Variants in NPLOC4 observed in about 807,000 individuals in gnomAD.
NPLOC4 encodes nuclear protein localization protein 4 homolog.
In NPLOC4, 18 loss-of-function variants were observed where a neutral mutation model predicts 80.6. That is an observed-to-expected ratio of 0.22 (90% CI 0.15 to 0.33). NPLOC4 has a LOEUF of 0.33. Ranked by LOEUF, NPLOC4 falls within the 10% of genes least tolerant of loss-of-function variation. The pLI, the probability that NPLOC4 is intolerant of heterozygous loss-of-function variation, is 1.00. For synonymous variants in NPLOC4, 313 were observed against 301.5 expected (o/e 1.04, Z -0.39); for missense variants, 540 against 786.1 (o/e 0.69, Z 3.74).
Position 81,588,974 on chromosome 17 carries a change from A to G in NPLOC4, c.1251T>C (p.Ser417=). The part of the protein sequence containing the change: ...PELGYAKESS[S]EQYVPDVFYK... ...AAAACACATCAGGCACGTACTGCTC[A>G]CTGCTAGACTCCTTGGCGTAGCCAA... is the stretch of plus-strand genomic sequence containing the variant. The change falls in exon 12 of 17, where the codon AGT becomes AGC. Residue 417 remains serine, a synonymous_variant. Transcript: ENST00000331134. The G allele has an allele frequency of 6.2e-7, 1 of 1,613,884 alleles. No individual in the cohort carries two copies. The highest frequency in any genetic ancestry group is 1.7e-5 in the Admixed American group (1 of 59,996).
intron 11 of NPLOC4, 53 bp downstream of exon 11, chr17:81,596,062 CA>C: frequency 6.4e-7 from 1 of 1,556,202 alleles, no homozygotes; most frequent in Admixed American, 1.8e-5. Context: ...AAAAGAGGAA[CA>C]AAATATATTA....
chr17:81,591,459 A>AC (rs1362443392), intron 11 of NPLOC4, among the ~76,000 whole-genome samples: 5 of 150,406 alleles, frequency 3.3e-5, no homozygotes, highest in Admixed American at 2.6e-4. Context: ...AAAAAAAAAA[A>AC]AAAAAAAAAA....
chr17:81,632,898 T>C lies in NPLOC4; in HGVS notation c.16-3093A>G, dbSNP rs377147194. Among the ~76,000 whole-genome samples the C allele has an allele frequency of 2.0e-5, 3 of 152,084 alleles. No individual in the cohort carries two copies. In the East Asian group the frequency reaches 5.8e-4, roughly 29 times the overall value. On this transcript the variant is annotated intron_variant, in intron 1 of 16. Coordinates refer to ENST00000331134, the MANE Select transcript of NPLOC4 (RefSeq NM_017921.4). ...ACTTGGCAGAAAAGGCTCCACCCAA[T>C]ATGTTCTCAACTTTTAAGTCAGGAG...
In NPLOC4 at chr17:81,565,603, C is replaced by T; in HGVS notation, c.1571G>A (p.Ser524Asn). ...CACGGCCTCCAGCAGCAAGCTGATG[C>T]TGTCCTACAAGAAGCCAAAAGGAAG... ...VTNEVMPLQD[S>N]ISLLLEAVRT... The change falls in exon 16 of 17, where the codon AGC becomes AAC. Residue 524 changes from serine to asparagine, a missense_variant. By Grantham distance (46) the Ser-to-Asn change is conservative. Around this residue, in one of 6 missense-constraint regions of NPLOC4, gnomAD observed 251 missense variants for 377.5 expected, o/e 0.66. Coordinates refer to ENST00000331134, the MANE Select transcript of NPLOC4 (RefSeq NM_017921.4). The T allele has an allele frequency of 6.5e-7, 1 of 1,547,878 alleles. No individual in the cohort carries two copies.
intron 9 of NPLOC4, among the ~76,000 whole-genome samples, chr17:81,599,160 G>C (rs559872781): frequency 4.6e-4 from 70 of 151,938 alleles, no homozygotes; most frequent in African/African-American, 1.5e-3. Context: ...GTTGTGGCGG[G>C]TGCCTGTAAT....
chr17:81,562,251 C>T (rs1417225394), intron 16 of NPLOC4: 1 of 151,752 alleles, frequency 6.6e-6, no homozygotes, highest in Non-Finnish European at 1.5e-5. Context: ...CAAAACAACC[C>T]ATGAGGGCCG....
chr17:81,616,585 C>G (rs901216035), intron 3 of NPLOC4, among the ~76,000 whole-genome samples: 7 of 151,776 alleles, frequency 4.6e-5, no homozygotes, highest in African/African-American at 1.7e-4. Context: ...AAAAAATTAG[C>G]CGGGCATGGT....
chr17:81,566,094 G>A (rs1303509476), intron 15 of NPLOC4, among the ~76,000 whole-genome samples: 2 of 152,214 alleles, frequency 1.3e-5, no homozygotes, highest in African/African-American at 4.8e-5. Flanking sequence ...AACACTTTCA[G>A]AGGCAGAGGC....
At chr17:81,605,455 T>G (rs2035179029) in intron 7 of NPLOC4, among the ~76,000 whole-genome samples, 1 of 151,606 alleles carries the variant, frequency 6.6e-6, no homozygotes, top group Non-Finnish European at 1.5e-5. Flanking sequence ...ACCTCAAAAA[T>G]TATTCAATAC....
chr17:81,623,137 G>A (rs1471901970), intron 2 of NPLOC4, among the ~76,000 whole-genome samples: 1 of 151,452 alleles, frequency 6.6e-6, no homozygotes, highest in Non-Finnish European at 1.5e-5. Flanking sequence ...GAGGTTGCAG[G>A]GAGCCGAGAT....
rs762577157 is a variant in NPLOC4 at position 81,564,105 on chromosome 17, C to CACACACACACACACACAG, written c.1669+1399_1669+1400insCTGTGTGTGTGTGTGTGT. The CACACACACACACACACAG allele has an allele frequency of 2.3e-3, 756 of 334,366 alleles. 4 individuals are homozygous for CACACACACACACACACAG. The highest frequency in any genetic ancestry group is 0.011 in the Admixed American group (260 of 23,144). The allele number at this position is 334,366 out of a possible 1,614,324, so 20.7% of individuals were successfully genotyped here. ...CAAAACACACACACACACACACACACACACACACACACAAAGAGCAGGGCG... is the reference window on the plus strand; with the variant it reads ...CAAAACACACACACACACACACACACACACACACACACACACAGACACACACACACAAAGAGCAGGGCG... On this transcript the variant is annotated intron_variant, in intron 16 of 16. Coordinates refer to ENST00000331134, the MANE Select transcript of NPLOC4 (RefSeq NM_017921.4).
Position 81,567,372 on chromosome 17 carries a change from G to C in NPLOC4, c.1566+45C>G. 1 of 1,225,632 alleles carries C rather than the reference G, an allele frequency of 8.2e-7. No homozygotes were observed. Among genetic ancestry groups the C allele is most frequent in the African/African-American group, 1.5e-5 (1 of 67,296 alleles). The allele number at this position is 1,225,632 out of a possible 1,614,324, so 75.9% of individuals were successfully genotyped here. ...AGCAAGACACAGGCGTCTCTTTGCA[G>C]CCAAAGCCCACTTGCTCAAGTGGAC... On this transcript the variant is annotated intron_variant, in intron 15 of 16. Coordinates refer to ENST00000331134, the MANE Select transcript of NPLOC4 (RefSeq NM_017921.4). The surrounding 1 kb of genome is among the most constrained non-coding windows in gnomAD (Gnocchi z 4.5).
intron 1 of NPLOC4, among the ~76,000 whole-genome samples, chr17:81,630,313 A>C (rs1024070024): frequency 2.0e-5 from 3 of 152,064 alleles, no homozygotes; most frequent in Non-Finnish European, 2.9e-5. Context: ...TTTTTGAGAC[A>C]GGGTCTTGCT....
intron 1 of NPLOC4, among the ~76,000 whole-genome samples, chr17:81,634,688 C>A (rs905827555): frequency 6.6e-6 from 1 of 151,522 alleles, no homozygotes; most frequent in African/African-American, 2.4e-5. Flanking sequence ...CGGGTTTGAG[C>A]GATTCCCCTC....
intron 3 of NPLOC4, among the ~76,000 whole-genome samples, chr17:81,615,734 T>G (rs1361620438): frequency 6.6e-6 from 1 of 152,080 alleles, no homozygotes; most frequent in East Asian, 1.9e-4. Flanking sequence ...AACTTCCACA[T>G]AAATGCAGAT....
rs907665482 is a variant in NPLOC4, at chr17:81,567,579, T to G, written c.1450-46A>C. The G allele has an allele frequency of 8.5e-7, 1 of 1,182,342 alleles. No individual in the cohort carries two copies. The highest frequency in any genetic ancestry group is 2.4e-5 in the East Asian group (1 of 41,382). The allele number at this position is 1,182,342 out of a possible 1,614,324, so 73.2% of individuals were successfully genotyped here. A position where few individuals can be genotyped will look rare whatever the true frequency, so the allele number is the denominator to read the frequency against. On this transcript the variant is annotated intron_variant, in intron 14 of 16. Coordinates refer to ENST00000331134, the MANE Select transcript of NPLOC4 (RefSeq NM_017921.4). The surrounding 1 kb of genome is among the most constrained non-coding windows in gnomAD (Gnocchi z 4.5). ...ATGAATGTTCCATACAGTTCCCCAG[T>G]GCCAGACCCCGAAACAGAGCTGTTT...
chr17:81,568,761 T>C (rs563367293), intron 14 of NPLOC4, among the ~76,000 whole-genome samples: 7 of 152,054 alleles, frequency 4.6e-5, no homozygotes, highest in Non-Finnish European at 7.4e-5. Flanking sequence ...AGCAACACAT[T>C]TGGGAAAATT....
chr17:81,597,071 C>T (rs575013327), intron 10 of NPLOC4, among the ~76,000 whole-genome samples, 174 bp downstream of exon 10: 53 of 152,186 alleles, frequency 3.5e-4, no homozygotes, highest in Non-Finnish European at 6.6e-4. Context: ...AGAGATTGCG[C>T]CACTGCACTC....
intron 8 of NPLOC4, among the ~76,000 whole-genome samples, chr17:81,603,278 CT>C (rs1416485461): frequency 1.3e-5 from 2 of 151,748 alleles, no homozygotes; most frequent in African/African-American, 2.4e-5. Flanking sequence ...GAAATGTGCA[CT>C]TTTTTTTTCT....
Sources: gnomAD v4.1 joint callset for allele counts (sites outside exome capture counted in the v4.1 genomes callset) on GRCh38, gnomAD v4.1.1 for gene constraint, gnomAD v4.1.1 regional missense constraint, Gnocchi (gnomAD v3.1) non-coding constraint, MANE v1.5 for transcripts, NCBI Gene and HGNC (gene_info 2026-07-23, HGNC 2026-07-21) for gene names.